The following CNOT1 variants were observed in gnomAD, a reference collection of about 807,000 sequenced individuals.
CNOT1 encodes the protein CCR4-associated factor 1.
A neutral mutation model predicts 273.8 loss-of-function variants in CNOT1; 15 were observed. The observed-to-expected ratio is 0.05, with a 90% confidence interval of 0.04 to 0.08. The LOEUF is 0.08. Ranked by LOEUF, CNOT1 falls within the 10% of genes least tolerant of loss-of-function variation. The pLI, the probability that CNOT1 is intolerant of heterozygous loss-of-function variation, is 1.00. For missense variants in CNOT1, 1,644 were observed against 2,912.2 expected (o/e 0.56, Z 10.02); for synonymous variants, 1,022 against 1,005.5 (o/e 1.02, Z -0.31).
intron 16 of CNOT1, among the ~76,000 whole-genome samples, chr16:58,564,717 G>C (rs1334346443): frequency 2.6e-5 from 4 of 151,970 alleles, no homozygotes; most frequent in African/African-American, 9.7e-5. Context: ...ATCACCTGTG[G>C]TCAGGAGTTT....
At position 58,604,069 on chromosome 16, in the gene CNOT1, G is replaced by A. The variant is rs546330333; in HGVS notation, c.-174-4558C>T. The stretch of plus-strand genomic sequence containing the variant: ...TATTTTTACTCTACCAAAAAAACAC[G>A]AAAATCCACTGAAATACTGCTAGTC... On this transcript the variant is annotated intron_variant, in intron 1 of 48. Coordinates refer to ENST00000317147, the MANE Select transcript of CNOT1 (RefSeq NM_016284.5). Among the ~76,000 whole-genome samples the A allele has an allele frequency of 1.4e-4, 21 of 152,152 alleles. No individual in the cohort carries two copies. The East Asian group carries it at 2.5e-3, about 18-fold the overall frequency.
In CNOT1 at chr16:58,614,891, G is replaced by C. The variant is rs141232594; in HGVS notation, c.-175+14837C>G. Among the ~76,000 whole-genome samples, 5 of 122,122 alleles carry C rather than the reference G, an allele frequency of 4.1e-5. 1 individual carries two copies. In the South Asian group the frequency reaches 7.3e-4, roughly 18 times the overall value. 80.1% of individuals were successfully genotyped at this position (122,122 alleles called of 152,430 possible). A position where few individuals can be genotyped will look rare whatever the true frequency, so the allele number is the denominator to read the frequency against. The stretch of plus-strand genomic sequence containing the variant: ...CGTCTAATTTTTTGTACTTTTATTA[G>C]AGACAGGGTTTCACCATGTTGGCCA... On this transcript the variant is annotated intron_variant, in intron 1 of 48. Transcript: ENST00000317147.
intron 19 of CNOT1, 139 bp from the exon 20 acceptor site, chr16:58,556,047 G>A: frequency 1.4e-6 from 2 of 1,435,610 alleles, no homozygotes; most frequent in African/African-American, 1.4e-5. Flanking sequence ...AAGCGGTCAA[G>A]TTTCAGTATT....
At chr16:58,529,898 C>T (rs574530222) in intron 43 of CNOT1, among the ~76,000 whole-genome samples, 8 of 148,594 alleles carry the variant, frequency 5.4e-5, no homozygotes, top group African/African-American at 1.2e-4. Context: ...AAAATTCCAT[C>T]CACAATGAGA....
At chr16:58,563,880 AATTATAC>A (rs2040945591) in intron 16 of CNOT1, among the ~76,000 whole-genome samples, 1 of 152,258 alleles carries the variant, frequency 6.6e-6, no homozygotes, top group African/African-American at 2.4e-5. Context: ...CTAGTAGTCC[AATTATAC>A]ATTGGTAAAA....
In CNOT1 at chr16:58,581,420, G is replaced by A. The variant is rs1261183627; in HGVS notation, c.1140C>T (p.Gly380=). The change falls in exon 11 of 49, where the codon GGC becomes GGT. Residue 380 remains glycine, a synonymous_variant. Transcript: ENST00000317147. ...DSKGLHNVVY[G]IQRGLGMEVF... is the part of the protein sequence containing the mutation. ...CTTCCATACCCAAACCCCTCTGAATGCCATAAACCACATTATGAAGTCCTT... is the reference window on the plus strand; with the variant it reads ...CTTCCATACCCAAACCCCTCTGAATACCATAAACCACATTATGAAGTCCTT... The A allele has an allele frequency of 1.9e-6, 3 of 1,613,884 alleles. No homozygotes were observed. The highest frequency in any genetic ancestry group is 2.5e-6 in the Non-Finnish European group (3 of 1,180,014).
chr16:58,560,738 G>A (rs752552814), intron 16 of CNOT1, among the ~76,000 whole-genome samples: 11 of 152,306 alleles, frequency 7.2e-5, no homozygotes, highest in Middle Eastern at 3.4e-3. Context: ...GTATTAAAAA[G>A]TCGAGGCTGA....
chr16:58,583,312 T>C, intron 8 of CNOT1, 130 bp from the exon 9 acceptor site: 4 of 1,461,826 alleles, frequency 2.7e-6, no homozygotes, highest in Non-Finnish European at 3.6e-6. Flanking sequence ...CAGTAAGTGT[T>C]ATTTCTTGTT....
intron 8 of CNOT1, among the ~76,000 whole-genome samples, chr16:58,583,550 C>T (rs939704304): frequency 6.6e-6 from 1 of 152,148 alleles, no homozygotes; most frequent in Non-Finnish European, 1.5e-5. Flanking sequence ...AAATCATCCA[C>T]ACAGCAGGAG....
chr16:58,587,326 C>T lies in CNOT1; in HGVS notation c.378+19G>A. ...TTTAATTCTAGTTTTGTCTACATCT[C>T]TTTTCATAAATCACTCACCTCTTGT... On this transcript the variant is annotated intron_variant, in intron 5 of 48. Coordinates refer to ENST00000317147, the MANE Select transcript of CNOT1 (RefSeq NM_016284.5). The T allele has an allele frequency of 1.2e-6, 2 of 1,613,858 alleles. No individual in the cohort carries two copies. The highest frequency in any genetic ancestry group is 1.7e-6 in the Non-Finnish European group (2 of 1,179,944).
rs1338442209 is a variant in CNOT1, at chr16:58,546,395, T to C, written c.3932A>G (p.Asn1311Ser). The change falls in exon 29 of 49, where the codon AAT becomes AGT. Residue 1311 changes from asparagine to serine, a missense_variant. Transcript: ENST00000317147. Reference protein sequence around the residue: ...NLLKDKDRLKNLDEQLSAPKK... With the variant: ...NLLKDKDRLKSLDEQLSAPKK... ...TGGAGCAGAGAGTTGCTCATCTAAA[T>C]TCTTCAGGCGATCTTTATCCTTTAG... The C allele has an allele frequency of 6.2e-7, 1 of 1,614,028 alleles. No individual in the cohort carries two copies. The highest frequency in any genetic ancestry group is 1.1e-5 in the South Asian group (1 of 91,072).
At chr16:58,561,241 A>G (rs1453402284) in intron 16 of CNOT1, among the ~76,000 whole-genome samples, 1 of 152,188 alleles carries the variant, frequency 6.6e-6, no homozygotes, top group Non-Finnish European at 1.5e-5. Context: ...ATCCCTCTGC[A>G]TCTGTCACTC....
At chr16:58,564,141 G>A (rs1056694413) in intron 16 of CNOT1, among the ~76,000 whole-genome samples, 3 of 152,112 alleles carry the variant, frequency 2.0e-5, no homozygotes, top group African/African-American at 4.8e-5. Context: ...ATAAATATAC[G>A]AATAAGTATG....
chr16:58,560,208 T>C lies in CNOT1; in HGVS notation c.2130+4A>G. 6.2e-7 allele frequency: 1 copy of C among 1,613,722 alleles called. No individual in the cohort carries two copies. The highest frequency in any genetic ancestry group is 1.1e-5 in the South Asian group (1 of 90,978). On this transcript the variant is annotated splice_donor_region_variant and intron_variant, in intron 17 of 48. Coordinates refer to ENST00000317147, the MANE Select transcript of CNOT1 (RefSeq NM_016284.5). The stretch of plus-strand genomic sequence containing the variant: ...AAGATGTATCAAATGTAGCACTCAT[T>C]TACCTGAACAGGAGAAATGGCATCT...
rs776184515 is a variant in CNOT1, at chr16:58,525,336, G to C, written c.6627C>G (p.Arg2209=). 1 of 1,613,518 alleles carries C rather than the reference G, an allele frequency of 6.2e-7. No individual in the cohort carries two copies. Among genetic ancestry groups the C allele is most frequent in the Non-Finnish European group, 8.5e-7 (1 of 1,180,032 alleles). The change falls in exon 46 of 49, where the codon CGC becomes CGG. Residue 2209 remains arginine, a synonymous_variant. Transcript: ENST00000317147. ...GTGCATTGATGAGCTGGAGGTTGTA[G>C]CGATTCCCAGGTTCATTGGATACCT... is the stretch of plus-strand genomic sequence containing the variant. ...NLQVSNEPGN[R]YNLQLINALV...
At chr16:58,571,385 A>G (rs899751065) in intron 16 of CNOT1, among the ~76,000 whole-genome samples, 7 of 151,950 alleles carry the variant, frequency 4.6e-5, no homozygotes, top group Non-Finnish European at 1.0e-4. Context: ...GTGAAACCCC[A>G]TCTGTACTAA....
chr16:58,531,899 T>C (rs1282605664), intron 42 of CNOT1, 59 bp downstream of exon 42: 1 of 1,583,004 alleles, frequency 6.3e-7, no homozygotes. Flanking sequence ...TAGGCAATGC[T>C]AATAAATAAG....
At position 58,582,863 on chromosome 16, in the gene CNOT1, T is replaced by C. The variant is rs758671891; in HGVS notation, c.974A>G (p.Lys325Arg). 7 of 1,608,300 alleles carry C rather than the reference T, an allele frequency of 4.4e-6. No individual in the cohort carries two copies. In the African/African-American group the frequency reaches 6.7e-5, roughly 15 times the overall value. ...TGCCTGTGCTCCATCACTTTTATCT[T>C]TCCCATCACTCCAGATCCCACTGCC... ...APGSGIWSDG[K>R]DKSDGAQAHT... The change falls in exon 10 of 49, where the codon AAA (lysine) becomes AGA (arginine). Residue 325 changes from lysine to arginine, a missense_variant. Lys to Arg is a conservative substitution (Grantham distance 26). This residue lies in a region of CNOT1 where 706 missense variants were observed against 1,021.2 expected (regional missense o/e 0.69). Transcript: ENST00000317147.
intron 2 of CNOT1, among the ~76,000 whole-genome samples, chr16:58,591,394 T>C (rs1479703933): frequency 6.6e-6 from 1 of 152,216 alleles, no homozygotes; most frequent in East Asian, 1.9e-4. Flanking sequence ...TCTTAATTTT[T>C]TTCCCATGCA....
Sources: allele counts gnomAD v4.1 joint callset (sites outside exome capture counted in the v4.1 genomes callset), GRCh38; gene constraint gnomAD v4.1.1; regional missense constraint gnomAD v4.1.1; transcripts MANE v1.5; gene names NCBI Gene and HGNC (gene_info 2026-07-23, HGNC 2026-07-21).